The following UNC13C variants were observed in gnomAD, a reference collection of about 807,000 sequenced individuals.
UNC13C encodes unc-13 homolog C, also known as protein unc-13 homolog C.
In UNC13C, 174 loss-of-function variants were observed where a neutral mutation model predicts 245.4. The ratio of observed to expected loss-of-function variants is 0.71; its 90% CI spans 0.63 to 0.80. UNC13C has a LOEUF of 0.80. UNC13C is among the 30% of genes least tolerant of loss of function. The pLI is 0.00. For missense variants in UNC13C, 2,829 were observed against 2,602.9 expected, an observed-to-expected ratio of 1.09 and a Z score of -1.89; for synonymous variants, 992 against 895.1, an observed-to-expected ratio of 1.11 and a Z score of -1.93.
intron 18 of UNC13C, among the ~76,000 whole-genome samples, chr15:54,393,396 G>T (rs186838419): frequency 4.4e-4 from 67 of 151,692 alleles, no homozygotes; most frequent in African/African-American, 1.4e-3. Flanking sequence ...TGGATATGGA[G>T]AAAAATATTT....
In UNC13C at chr15:54,087,772, C is replaced by T. The variant is rs76520572; in HGVS notation, c.2984-55246C>T. 4.3e-3 allele frequency among the ~76,000 whole-genome samples: 648 copies of T among 152,190 alleles called. 2 individuals are homozygous for T. The highest frequency in any genetic ancestry group is 0.015 in the African/African-American group (631 of 41,518). ...AACTACGAAGCTGGATTAAATATAG[C>T]TTTCTGTATTATGTTCTTCAAGCTC... On this transcript the variant is annotated intron_variant, in intron 2 of 32. Coordinates refer to ENST00000260323, the MANE Select transcript of UNC13C (RefSeq NM_001080534.3).
rs576190484 is a variant in UNC13C at position 54,422,661 on chromosome 15, A to G, written c.4933+7594A>G. ...TATTTGCTTGCTTTTCTGCCTATGA[A>G]GCTGTTTCCCTTCTCTTCATAGAGG... On this transcript the variant is annotated intron_variant, in intron 19 of 32. Coordinates refer to ENST00000260323, the MANE Select transcript of UNC13C (RefSeq NM_001080534.3). Among the ~76,000 whole-genome samples the G allele has an allele frequency of 4.6e-5, 7 of 151,916 alleles. No homozygotes were observed. In the South Asian group the frequency reaches 1.5e-3, roughly 32 times the overall value.
intron 2 of UNC13C, among the ~76,000 whole-genome samples, chr15:54,041,677 C>T (rs1480609571): frequency 1.3e-5 from 2 of 152,106 alleles, no homozygotes; most frequent in Admixed American, 6.5e-5. Flanking sequence ...CTTATCTTTT[C>T]CTCACTTTGT....
intron 2 of UNC13C, among the ~76,000 whole-genome samples, chr15:54,114,211 C>T (rs2030047037): frequency 6.6e-6 from 1 of 152,178 alleles, no homozygotes; most frequent in Non-Finnish European, 1.5e-5. Flanking sequence ...CCCTATGATC[C>T]CAATAGCCTG....
At chr15:54,241,572 T>C (rs975578012) in intron 7 of UNC13C, among the ~76,000 whole-genome samples, 1 of 152,232 alleles carries the variant, frequency 6.6e-6, no homozygotes, top group African/African-American at 2.4e-5. Context: ...TACTTGTTTC[T>C]TCTCAATATT....
At chr15:54,427,489 A>C (rs1457505014) in intron 19 of UNC13C, among the ~76,000 whole-genome samples, 1 of 151,756 alleles carries the variant, frequency 6.6e-6, no homozygotes, top group Non-Finnish European at 1.5e-5. Context: ...AGCAGCATGA[A>C]AACAGGCTAA....
intron 30 of UNC13C, among the ~76,000 whole-genome samples, chr15:54,621,061 T>C (rs1378199428): frequency 3.3e-5 from 5 of 152,200 alleles, no homozygotes; most frequent in African/African-American, 1.2e-4. Flanking sequence ...TATCATCAAA[T>C]GGCTGTGCCA....
chr15:54,539,402 GAGA>G (rs776807273), intron 26 of UNC13C, among the ~76,000 whole-genome samples: 2 of 151,982 alleles, frequency 1.3e-5, no homozygotes, highest in African/African-American at 4.8e-5. Flanking sequence ...TAAAGAAAGA[GAGA>G]AGGAGAATTA....
At chr15:53,958,876 C>T in the UNC13C span, among the ~76,000 whole-genome samples, 2 of 152,182 alleles carry the variant, frequency 1.3e-5, no homozygotes, top group Non-Finnish European at 2.9e-5. Flanking sequence ...ACTGTACTGT[C>T]GAATACTAGA....
At chr15:54,518,690 A>C (rs906834794) in intron 24 of UNC13C, among the ~76,000 whole-genome samples, 1 of 152,128 alleles carries the variant, frequency 6.6e-6, no homozygotes, top group Non-Finnish European at 1.5e-5. Context: ...CACAGAGAAC[A>C]CTCTGTCCCC....
At chr15:54,206,566 C>T (rs574136488) in intron 4 of UNC13C, among the ~76,000 whole-genome samples, 1 of 152,232 alleles carries the variant, frequency 6.6e-6, no homozygotes, top group Non-Finnish European at 1.5e-5. Context: ...TATCACCTTG[C>T]TTCTGCTTCC....
chr15:54,469,067 A>G (rs1413033879), intron 19 of UNC13C, among the ~76,000 whole-genome samples: 1 of 151,564 alleles, frequency 6.6e-6, no homozygotes, highest in Admixed American at 6.6e-5. Context: ...CCAATCCATG[A>G]GTAAGGGATG....
At chr15:54,509,522 C>T (rs572049173) in intron 23 of UNC13C, among the ~76,000 whole-genome samples, 3 of 151,886 alleles carry the variant, frequency 2.0e-5, no homozygotes, top group Non-Finnish European at 4.4e-5. Flanking sequence ...TAACTTTGTT[C>T]CAGATTGAGA....
At chr15:54,254,334 T>C (rs1439638944) in intron 8 of UNC13C, among the ~76,000 whole-genome samples, 1 of 152,214 alleles carries the variant, frequency 6.6e-6, no homozygotes, top group Non-Finnish European at 1.5e-5. Context: ...ATACATAACT[T>C]AGATGAACAG....
intron 24 of UNC13C, among the ~76,000 whole-genome samples, chr15:54,513,123 G>A (rs1894823556): frequency 6.6e-6 from 1 of 152,124 alleles, no homozygotes. Context: ...TTATTCTGCT[G>A]AATTAGGTAA....
At chr15:53,957,151 G>T in the UNC13C span, among the ~76,000 whole-genome samples, 2 of 116,796 alleles carry the variant, frequency 1.7e-5, no homozygotes, top group Non-Finnish European at 3.7e-5. Context: ...TTGTTTGTTT[G>T]TTTTTTTTGA....
chr15:53,924,987 G>A, the UNC13C span, among the ~76,000 whole-genome samples: 2 of 152,160 alleles, frequency 1.3e-5, no homozygotes, highest in African/African-American at 2.4e-5. Context: ...TGGGATTTAA[G>A]CTATCAATAG....
At chr15:53,874,730 A>T in the UNC13C span, among the ~76,000 whole-genome samples, 1 of 152,294 alleles carries the variant, frequency 6.6e-6, no homozygotes, top group African/African-American at 2.4e-5. Flanking sequence ...AACTTATACC[A>T]GGTACTGCTG....
At chr15:53,876,121 CA>C in the UNC13C span, among the ~76,000 whole-genome samples, 1 of 152,198 alleles carries the variant, frequency 6.6e-6, no homozygotes, top group Non-Finnish European at 1.5e-5. Context: ...GACAAACATT[CA>C]GATGTGATCT....
Sources: allele counts gnomAD v4.1 joint callset (sites outside exome capture counted in the v4.1 genomes callset), GRCh38; gene constraint gnomAD v4.1.1; transcripts MANE v1.5; gene names NCBI Gene and HGNC (gene_info 2026-07-23, HGNC 2026-07-21).